Variants in FAM47E observed in about 807,000 individuals in gnomAD.
The protein encoded by FAM47E is protein FAM47E.
FAM47E carries 32 observed loss-of-function variants against 41.6 expected under a neutral mutation model. The ratio of observed to expected loss-of-function variants is 0.77; its 90% CI spans 0.58 to 1.03. FAM47E has a LOEUF of 1.03. FAM47E is among the 50% of genes least tolerant of loss of function. The pLI, the probability that FAM47E is intolerant of heterozygous loss-of-function variation, is 0.00. For missense variants in FAM47E, 424 were observed against 485.4 expected (o/e 0.87, Z 1.19); for synonymous variants, 184 against 188.7 (o/e 0.98, Z 0.20).
At chr4:76,280,082 T>C (rs956105248) in intron 6 of FAM47E, 182 bp from the exon 7 acceptor site, 1 of 462,044 alleles carries the variant, frequency 2.2e-6, no homozygotes, top group African/African-American at 2.0e-5. Context: ...GAGAGAAAGC[T>C]GGACATCTTT....
Position 76,240,579 on chromosome 4 carries a change from A to T in FAM47E, c.81+22891A>T, listed in dbSNP as rs192720129. 9.5e-3 allele frequency among the ~76,000 whole-genome samples: 1,437 copies of T among 151,708 alleles called. 23 individuals carry two copies. Among genetic ancestry groups the T allele is most frequent in the African/African-American group, 0.033 (1,366 of 41,342 alleles). The stretch of plus-strand genomic sequence containing the variant: ...GGTCCTTTAGGCTCTGTTTTCTTCA[A>T]TTTTTTTCTTTATATTCCTCAGATT... On this transcript the variant is annotated intron_variant, in intron 2 of 7. Coordinates refer to the FAM47E transcript ENST00000510197.
At chr4:76,261,162 T>TA (rs996770921) in intron 2 of FAM47E, among the ~76,000 whole-genome samples, 6 of 151,298 alleles carry the variant, frequency 4.0e-5, no homozygotes, top group Non-Finnish European at 5.9e-5. Context: ...ATTATTGAAA[T>TA]AAAAAAAATA....
intron 2 of FAM47E, among the ~76,000 whole-genome samples, chr4:76,260,450 A>C (rs1416729247): frequency 1.3e-5 from 2 of 152,218 alleles, no homozygotes; most frequent in African/African-American, 4.8e-5. Flanking sequence ...CTTGACAAAA[A>C]TAAACAATGG....
At chr4:76,219,286 G>A (rs1001133165) in intron 2 of FAM47E, among the ~76,000 whole-genome samples, 10 of 152,234 alleles carry the variant, frequency 6.6e-5, no homozygotes, top group African/African-American at 2.2e-4. Flanking sequence ...CTAGAATGGA[G>A]AGCCAGGAAG....
At chr4:76,276,521 C>T (rs28578510) in intron 5 of FAM47E, among the ~76,000 whole-genome samples, 56,404 of 151,544 alleles carry the variant, frequency 0.37, 10,897 homozygotes, top group Middle Eastern at 0.48. Flanking sequence ...TACAGGCATG[C>T]GCCACCATGC....
At chr4:76,261,026 CAAAAG>C (rs1734390882) in intron 2 of FAM47E, among the ~76,000 whole-genome samples, 5 of 150,860 alleles carry the variant, frequency 3.3e-5, no homozygotes, top group Admixed American at 1.3e-4. Flanking sequence ...AGCCACTTCT[CAAAAG>C]AAGACATACA....
At chr4:76,261,020 A>C (rs186031393) in intron 2 of FAM47E, among the ~76,000 whole-genome samples, 164 of 152,068 alleles carry the variant, frequency 1.1e-3, no homozygotes, top group African/African-American at 3.9e-3. Flanking sequence ...ATGAACAGCC[A>C]CTTCTCAAAA....
chr4:76,262,096 G>GA (rs1734441845), intron 2 of FAM47E, among the ~76,000 whole-genome samples: 2 of 152,064 alleles, frequency 1.3e-5, no homozygotes, highest in African/African-American at 2.4e-5. Context: ...TATGTGGAAT[G>GA]GATTTCCCTA....
chr4:76,237,053 G>A (rs1464465544), intron 2 of FAM47E, among the ~76,000 whole-genome samples: 7 of 151,518 alleles, frequency 4.6e-5, no homozygotes, highest in Non-Finnish European at 8.8e-5. Context: ...CTGTCACCAC[G>A]CCCGGCTAAT....
chr4:76,215,605 G>A (rs2109976452), intron 1 of FAM47E, among the ~76,000 whole-genome samples: 1 of 152,272 alleles, frequency 6.6e-6, no homozygotes, highest in African/African-American at 2.4e-5. Flanking sequence ...GAATACAGTG[G>A]AAATGACCAT....
chr4:76,250,320 G>C (rs1343353653), upstream of FAM47E, among the ~76,000 whole-genome samples: 3 of 152,034 alleles, frequency 2.0e-5, no homozygotes, highest in Non-Finnish European at 4.4e-5. Flanking sequence ...GTGATATCTA[G>C]CCTTTTTTCA....
chr4:76,280,066 G>A (rs1735280774), intron 6 of FAM47E, 198 bp from the exon 7 acceptor site: 1 of 441,668 alleles, frequency 2.3e-6, no homozygotes. Flanking sequence ...AAAAGGCTAG[G>A]GGAAGGAGAG....
intron 2 of FAM47E, among the ~76,000 whole-genome samples, chr4:76,244,740 A>C (rs4859645): frequency 0.74 from 112,258 of 151,580 alleles, 42,359 homozygotes; most frequent in East Asian, 0.82. Context: ...GGGTTTCACC[A>C]TCTTGGCCAG....
At chr4:76,239,558 G>A (rs1341698793) in intron 2 of FAM47E, among the ~76,000 whole-genome samples, 1 of 151,950 alleles carries the variant, frequency 6.6e-6, no homozygotes. Flanking sequence ...CAAGTCCTTT[G>A]CTCATTTTTA....
At chr4:76,217,820 A>G (rs1733240012) in intron 2 of FAM47E, 1 of 402,756 alleles carries the variant, frequency 2.5e-6, no homozygotes, top group Admixed American at 4.3e-5. Flanking sequence ...CACTTAATGA[A>G]TGATTGCTGG....
At chr4:76,252,259 G>A (rs1733999787) in intron 1 of FAM47E, among the ~76,000 whole-genome samples, 1 of 151,692 alleles carries the variant, frequency 6.6e-6, no homozygotes, top group Non-Finnish European at 1.5e-5. Flanking sequence ...GGCGGCTGTG[G>A]CCAAGTGGAG....
intron 2 of FAM47E, chr4:76,234,320 G>A (rs1263663669): frequency 9.2e-5 from 14 of 152,662 alleles, no homozygotes; most frequent in Non-Finnish European, 8.8e-5. Context: ...TGAGCCCCAT[G>A]TTGGGGGTCA....
intron 2 of FAM47E, among the ~76,000 whole-genome samples, chr4:76,241,014 C>T (rs551532256): frequency 1.3e-5 from 2 of 152,106 alleles, no homozygotes; most frequent in South Asian, 2.1e-4. Flanking sequence ...GAAAACTAGA[C>T]TTTTGAATCT....
chr4:76,248,172 C>T (rs1359958615), upstream of FAM47E, among the ~76,000 whole-genome samples: 1 of 151,954 alleles, frequency 6.6e-6, no homozygotes, highest in Non-Finnish European at 1.5e-5. Flanking sequence ...TCTCAGCCTC[C>T]CAAAGTGCTG....
Sources: allele counts gnomAD v4.1 joint callset (sites outside exome capture counted in the v4.1 genomes callset), GRCh38; gene constraint gnomAD v4.1.1; transcripts MANE v1.5; gene names NCBI Gene and HGNC (gene_info 2026-07-23, HGNC 2026-07-21).